NRXN1: variants seen among roughly 807,000 people sequenced by gnomAD.
NRXN1 encodes neurexin-1.
Under a neutral mutation model 150.9 loss-of-function variants are expected in NRXN1, and 39 were observed. That is an observed-to-expected ratio of 0.26 (90% CI 0.20 to 0.34). NRXN1 has a LOEUF of 0.34. NRXN1 is among the 10% of genes least tolerant of loss of function. NRXN1 has a pLI of 1.00. For missense variants in NRXN1, 1,815 were observed against 1,949.9 expected (o/e 0.93, Z 1.30); for synonymous variants, 924 against 757.0 (o/e 1.22, Z -3.62).
At chr2:50,496,759 C>T (rs2091653483) in intron 14 of NRXN1, among the ~76,000 whole-genome samples, 1 of 152,092 alleles carries the variant, frequency 6.6e-6, no homozygotes, top group Non-Finnish European at 1.5e-5. Flanking sequence ...CCGTGCATGG[C>T]ACCTGATGTA....
chr2:50,832,514 A>T (rs1171331330), intron 5 of NRXN1, among the ~76,000 whole-genome samples: 1 of 152,076 alleles, frequency 6.6e-6, no homozygotes, highest in Non-Finnish European at 1.5e-5. Context: ...TCAGCCAGGC[A>T]TGGTGGCAGG....
intron 17 of NRXN1, among the ~76,000 whole-genome samples, chr2:50,247,416 A>G (rs1271655477): frequency 6.6e-6 from 1 of 152,106 alleles, no homozygotes; most frequent in East Asian, 1.9e-4. Context: ...GAAATCTGAC[A>G]GATAGCACCT....
chr2:50,349,611 C>G (rs536448941), intron 17 of NRXN1, among the ~76,000 whole-genome samples: 5 of 152,204 alleles, frequency 3.3e-5, no homozygotes, highest in Non-Finnish European at 2.9e-5. Context: ...GAGTCTTTCC[C>G]TGAGGCACTG....
intron 21 of NRXN1, chr2:50,016,569 T>C (rs1033364353): frequency 9.2e-5 from 14 of 152,222 alleles, no homozygotes; most frequent in African/African-American, 3.4e-4. Flanking sequence ...ACATCCTTCT[T>C]AACATGGCCG....
chr2:50,232,796 G>A (rs896973613), intron 18 of NRXN1, among the ~76,000 whole-genome samples: 1 of 151,998 alleles, frequency 6.6e-6, no homozygotes, highest in Non-Finnish European at 1.5e-5. Context: ...AATAATTCAT[G>A]ATAAAAGTGA....
intron 2 of NRXN1, among the ~76,000 whole-genome samples, chr2:50,939,385 TTAAA>T (rs1214024190): frequency 2.0e-5 from 3 of 151,972 alleles, no homozygotes; most frequent in Non-Finnish European, 4.4e-5. Flanking sequence ...TTTTAGTAAA[TTAAA>T]TAATTTTGTT....
intron 3 of NRXN1, among the ~76,000 whole-genome samples, chr2:50,925,607 T>C (rs1046954046): frequency 1.3e-4 from 20 of 151,946 alleles, no homozygotes; most frequent in Non-Finnish European, 2.2e-4. Flanking sequence ...CACTGTCTTA[T>C]GAAACTACAA....
At position 50,594,906 on chromosome 2, in the gene NRXN1, C is replaced by A. The variant is rs188942773; in HGVS notation, c.1320+25116G>T. On this transcript the variant is annotated intron_variant, in intron 8 of 22. Transcript: ENST00000401669. ...ACTCCACGATGCTTTAAATCCAACT[C>A]ATTTATTCATTATTCATATTGTGTC... 2.6e-4 allele frequency among the ~76,000 whole-genome samples: 39 copies of A among 151,902 alleles called. 1 individual carries two copies. The highest frequency in any genetic ancestry group is 3.8e-4 in the Non-Finnish European group (26 of 67,966).
intron 5 of NRXN1, among the ~76,000 whole-genome samples, chr2:50,910,481 C>G (rs898922804): frequency 7.9e-5 from 12 of 151,912 alleles, no homozygotes; most frequent in Non-Finnish European, 2.9e-5. Flanking sequence ...CATCATGAAT[C>G]TAGGGTCTAA....
intron 19 of NRXN1, 28 bp downstream of exon 19, chr2:50,091,295 T>G (rs1267412682): frequency 6.2e-7 from 1 of 1,613,382 alleles, no homozygotes; most frequent in South Asian, 1.1e-5. Context: ...TCATAAAATC[T>G]TCCCCCGATA....
At chr2:51,006,668 T>A (rs977333315) in intron 2 of NRXN1, among the ~76,000 whole-genome samples, 1 of 151,966 alleles carries the variant, frequency 6.6e-6, no homozygotes, top group African/African-American at 2.4e-5. Flanking sequence ...CCCCTTAATA[T>A]AGTTACAAGG....
chr2:50,863,040 G>A (rs1676366899), intron 5 of NRXN1, among the ~76,000 whole-genome samples: 1 of 151,964 alleles, frequency 6.6e-6, no homozygotes, highest in Non-Finnish European at 1.5e-5. Context: ...GAATGAGAGG[G>A]AATATGAAGA....
intron 8 of NRXN1, among the ~76,000 whole-genome samples, chr2:50,559,737 G>C (rs1668774576): frequency 6.6e-6 from 1 of 151,958 alleles, no homozygotes; most frequent in African/African-American, 2.4e-5. Context: ...TCTCTCAACA[G>C]ATATATAGAT....
chr2:50,165,232 T>C (rs1206955560), intron 18 of NRXN1, among the ~76,000 whole-genome samples: 11 of 152,146 alleles, frequency 7.2e-5, no homozygotes, highest in African/African-American at 2.7e-4. Context: ...TATTAACGGA[T>C]CCTCATGGAG....
At chr2:50,797,638 T>C (rs780291103) in intron 5 of NRXN1, among the ~76,000 whole-genome samples, 4 of 152,126 alleles carry the variant, frequency 2.6e-5, no homozygotes, top group Non-Finnish European at 5.9e-5. Flanking sequence ...AACACCTCAA[T>C]ATCCTATCCA....
chr2:50,978,271 CATATATATATATATAT>C (rs10671122), intron 2 of NRXN1, among the ~76,000 whole-genome samples: 3,345 of 95,040 alleles, frequency 0.035, 184 homozygotes, highest in Middle Eastern at 0.12. Flanking sequence ...GGATATTATA[CATATATATATATATAT>C]ATATATATAT....
intron 17 of NRXN1, among the ~76,000 whole-genome samples, chr2:50,424,696 T>C (rs2084338989): frequency 6.6e-6 from 1 of 152,196 alleles, no homozygotes; most frequent in Non-Finnish European, 1.5e-5. Context: ...TACCCTGTTC[T>C]AGGCTAAGCT....
At chr2:50,719,659 G>C (rs1443675777) in intron 5 of NRXN1, among the ~76,000 whole-genome samples, 3 of 152,050 alleles carry the variant, frequency 2.0e-5, no homozygotes, top group Non-Finnish European at 2.9e-5. Context: ...CCAGGCGACA[G>C]TGCAAGACTC....
intron 5 of NRXN1, among the ~76,000 whole-genome samples, chr2:50,687,493 G>A (rs1173512098): frequency 6.6e-6 from 1 of 151,948 alleles, no homozygotes. Context: ...GCTTTCAGCT[G>A]TCACTTTGGC....
Sources: allele counts gnomAD v4.1 joint callset (sites outside exome capture counted in the v4.1 genomes callset), GRCh38; gene constraint gnomAD v4.1.1; transcripts MANE v1.5; gene names NCBI Gene and HGNC (gene_info 2026-07-23, HGNC 2026-07-21).